Variants in GDPD5 observed in about 807,000 individuals in gnomAD.
The protein encoded by GDPD5 is glycerophosphodiester phosphodiesterase 2.
In GDPD5, 48 loss-of-function variants were observed where a neutral mutation model predicts 75.1. The ratio of observed to expected loss-of-function variants is 0.64; its 90% CI spans 0.51 to 0.81. The LOEUF (loss-of-function observed/expected upper bound fraction) is 0.81. GDPD5 is among the 40% of genes least tolerant of loss of function. The probability of loss-of-function intolerance (pLI) is 0.00; values close to 1 mark genes in which losing one functional copy is unlikely to be tolerated. For missense variants in GDPD5, 706 were observed against 822.6 expected (o/e 0.86, Z 1.73); for synonymous variants, 336 against 339.0 (o/e 0.99, Z 0.10).
intron 6 of GDPD5, chr11:75,455,225 C>T: frequency 2.2e-6 from 1 of 448,954 alleles, no homozygotes; most frequent in Non-Finnish European, 4.5e-6. Flanking sequence ...CAGGCATGGC[C>T]CCAGAAGGTG....
Position 75,441,811 on chromosome 11 carries a change from C to A in GDPD5, c.1168-8G>T. 1 of 1,604,142 alleles carries A rather than the reference C, an allele frequency of 6.2e-7. No homozygotes were observed. Among genetic ancestry groups the A allele is most frequent in the South Asian group, 1.1e-5 (1 of 90,526 alleles). Reference sequence around the variant, plus strand: ...GCTAGGCAGCCACATGACCTGCAGGCAGAAGAGAGGCAGCCTCAGACTTCT... The same window carrying A: ...GCTAGGCAGCCACATGACCTGCAGGAAGAAGAGAGGCAGCCTCAGACTTCT... On this transcript the variant is annotated splice_region_variant and splice_polypyrimidine_tract_variant and intron_variant, in intron 12 of 16. Transcript: ENST00000336898.
intron 1 of GDPD5, among the ~76,000 whole-genome samples, chr11:75,497,551 T>C (rs2135440036): frequency 1.2e-5 from 1 of 84,914 alleles, no homozygotes; most frequent in Middle Eastern, 8.5e-3. Context: ...GGGCACCCTC[T>C]CTCGGCGCCT....
rs997124256 is a variant in GDPD5, at chr11:75,442,126, C to T, written c.1167+237G>A. Among the ~76,000 whole-genome samples, 10 of 152,238 alleles carry T rather than the reference C, an allele frequency of 6.6e-5. No individual in the cohort carries two copies. In the East Asian group the frequency reaches 7.7e-4, roughly 12 times the overall value. On this transcript the variant is annotated intron_variant, in intron 12 of 16. Coordinates refer to ENST00000336898, the MANE Select transcript of GDPD5 (RefSeq NM_030792.8). ...TCTGGTCCCAGATTATTACACCAAA[C>T]GACAGGGCAACACTTCACTGAAATA...
At chr11:75,469,755 G>C (rs1004879927) in intron 3 of GDPD5, among the ~76,000 whole-genome samples, 1 of 152,204 alleles carries the variant, frequency 6.6e-6, no homozygotes. Context: ...CAAGAGATTA[G>C]GACATTAGCA....
intron 1 of GDPD5, among the ~76,000 whole-genome samples, chr11:75,499,227 G>A (rs1385509687): frequency 6.6e-6 from 1 of 151,884 alleles, no homozygotes; most frequent in Non-Finnish European, 1.5e-5. Flanking sequence ...ACATGCACTT[G>A]AATTGACGTC....
chr11:75,464,699 G>T (rs368355282), intron 3 of GDPD5, among the ~76,000 whole-genome samples: 1 of 152,190 alleles, frequency 6.6e-6, no homozygotes, highest in Non-Finnish European at 1.5e-5. Context: ...GCTTGGGGAG[G>T]TGGTGGCTTC....
intron 5 of GDPD5, among the ~76,000 whole-genome samples, chr11:75,457,397 C>G (rs1209652917): frequency 1.3e-5 from 2 of 152,148 alleles, no homozygotes; most frequent in Non-Finnish European, 2.9e-5. Flanking sequence ...TGCAGCAGCC[C>G]GAGAGGCCCT....
At chr11:75,449,174 G>A (rs1302557521) in intron 8 of GDPD5, 52 bp from the exon 9 acceptor site, 2 of 1,531,028 alleles carry the variant, frequency 1.3e-6, no homozygotes, top group South Asian at 2.5e-5. Context: ...GCAGGTTGGG[G>A]TGCAATGCTG....
At chr11:75,503,685 G>C (rs775586016) in intron 1 of GDPD5, among the ~76,000 whole-genome samples, 1 of 152,264 alleles carries the variant, frequency 6.6e-6, no homozygotes, top group Non-Finnish European at 1.5e-5. Context: ...GCTCCCAGGT[G>C]CAAGGCAAGG....
At chr11:75,515,243 C>A (rs566376934) in intron 1 of GDPD5, among the ~76,000 whole-genome samples, 3 of 152,242 alleles carry the variant, frequency 2.0e-5, no homozygotes, top group Non-Finnish European at 2.9e-5. Flanking sequence ...CTAGACCTGC[C>A]GGCTGTGCCC....
chr11:75,499,385 C>A (rs967385286), intron 1 of GDPD5, among the ~76,000 whole-genome samples: 3 of 38,338 alleles, frequency 7.8e-5, no homozygotes, highest in African/African-American at 1.5e-4. Context: ...CTTCTTTCTT[C>A]TTCTTTTCCT....
Position 75,467,240 on chromosome 11 carries a change from G to A in GDPD5, c.118-4351C>T, listed in dbSNP as rs567628611. 5.3e-5 allele frequency among the ~76,000 whole-genome samples: 8 copies of A among 152,278 alleles called. No individual in the cohort carries two copies. In the South Asian group the frequency reaches 8.3e-4, roughly 16 times the overall value. On this transcript the variant is annotated intron_variant, in intron 3 of 16. Transcript: ENST00000336898. ...GGCCCCTCTGAGCCTCGGTCTCCTC[G>A]TTGTAAATGGGAATAACAGCCCTTC...
intron 1 of GDPD5, among the ~76,000 whole-genome samples, chr11:75,519,162 C>A (rs966357854): frequency 6.6e-6 from 1 of 152,134 alleles, no homozygotes; most frequent in Non-Finnish European, 1.5e-5. Context: ...AGTGAGAGGC[C>A]TGTGGAGTCC....
intron 1 of GDPD5, among the ~76,000 whole-genome samples, chr11:75,524,804 G>A (rs1437297439): frequency 6.6e-6 from 1 of 151,306 alleles, no homozygotes; most frequent in African/African-American, 2.4e-5. Context: ...GCCAGGGAGC[G>A]GGAGGCAAGA....
At chr11:75,469,072 C>T (rs974457123) in intron 3 of GDPD5, among the ~76,000 whole-genome samples, 15 of 152,234 alleles carry the variant, frequency 9.9e-5, no homozygotes, top group African/African-American at 3.6e-4. Flanking sequence ...AACCTTTCCT[C>T]CCTGCTCTAC....
chr11:75,436,159 G>A (rs183520983), intron 16 of GDPD5, among the ~76,000 whole-genome samples: 1 of 152,202 alleles, frequency 6.6e-6, no homozygotes, highest in Non-Finnish European at 1.5e-5. Context: ...TCAAGGACCA[G>A]GGTGGGTTCT....
intron 1 of GDPD5, among the ~76,000 whole-genome samples, chr11:75,501,130 T>C (rs978172335): frequency 6.6e-6 from 1 of 152,212 alleles, no homozygotes; most frequent in African/African-American, 2.4e-5. Flanking sequence ...GTTTCTCAAA[T>C]CTGGGAACTT....
chr11:75,492,163 C>G (rs1371443785), intron 1 of GDPD5, among the ~76,000 whole-genome samples: 1 of 152,200 alleles, frequency 6.6e-6, no homozygotes, highest in East Asian at 1.9e-4. Context: ...GAGGCCGCCC[C>G]CATCCCCACT....
chr11:75,470,723 T>C, intron 3 of GDPD5, among the ~76,000 whole-genome samples: 1 of 152,230 alleles, frequency 6.6e-6, no homozygotes, highest in Admixed American at 6.5e-5. Flanking sequence ...TCTTAATCCA[T>C]CTGGAATTTA....
Sources: allele counts gnomAD v4.1 joint callset (sites outside exome capture counted in the v4.1 genomes callset), GRCh38; gene constraint gnomAD v4.1.1; transcripts MANE v1.5; gene names NCBI Gene and HGNC (gene_info 2026-07-23, HGNC 2026-07-21).